BAZ1A: variants seen among roughly 807,000 people sequenced by gnomAD.
BAZ1A encodes bromodomain adjacent to zinc finger domain 1A, also known as bromodomain adjacent to zinc finger domain protein 1A.
BAZ1A carries 50 observed loss-of-function variants against 185.2 expected under a neutral mutation model. The observed-to-expected ratio is 0.27, with a 90% CI of 0.22 to 0.34. The LOEUF (loss-of-function observed/expected upper bound fraction) is 0.34, where lower values mean the gene tolerates loss of function less well. Ranked by LOEUF, BAZ1A falls within the 10% of genes least tolerant of loss-of-function variation. The pLI is 1.00. For synonymous variants in BAZ1A, 571 were observed against 615.6 expected (o/e 0.93, Z 1.07); for missense variants, 1,356 against 1,839.9 (o/e 0.74, Z 4.81).
chr14:34,845,867 A>G (rs2042502949), intron 3 of BAZ1A, among the ~76,000 whole-genome samples: 1 of 150,876 alleles, frequency 6.6e-6, no homozygotes, highest in Non-Finnish European at 1.5e-5. Context: ...CTCAAAAAAA[A>G]AAAAAAAAAA....
At position 34,862,262 on chromosome 14, in the gene BAZ1A, A is replaced by G; in HGVS notation, c.174T>C (p.Gly58=). 3 of 1,614,100 alleles carry G rather than the reference A, an allele frequency of 1.9e-6. No homozygotes were observed. Among genetic ancestry groups the G allele is most frequent in the Non-Finnish European group, 2.5e-6 (3 of 1,180,020 alleles). ...NSLVWSCAVT[G]RPGLTYQEAL... ...CTTCCTGATACGTCAGTCCAGGTCT[A>G]CCCGTCACAGCACAACTCCACACAA... The change falls in exon 3 of 27, where the codon GGT becomes GGC. Residue 58 remains glycine (G), a synonymous_variant. Transcript: ENST00000360310.
At chr14:34,804,762 A>G (rs1412539481) in intron 6 of BAZ1A, among the ~76,000 whole-genome samples, 1 of 152,240 alleles carries the variant, frequency 6.6e-6, no homozygotes, top group Non-Finnish European at 1.5e-5. Context: ...TCACACTCAT[A>G]AAGGCCAAAA....
intron 6 of BAZ1A, among the ~76,000 whole-genome samples, chr14:34,806,801 T>G (rs764478521): frequency 5.9e-5 from 9 of 151,798 alleles, no homozygotes; most frequent in Non-Finnish European, 1.5e-5. Context: ...CAGGCTGGAG[T>G]GCAGTGATAC....
chr14:34,759,386 T>C (rs1283684416), intron 24 of BAZ1A, among the ~76,000 whole-genome samples: 1 of 151,976 alleles, frequency 6.6e-6, no homozygotes, highest in Non-Finnish European at 1.5e-5. Flanking sequence ...GGTTTCACCG[T>C]GTTAGCTAGG....
intron 3 of BAZ1A, among the ~76,000 whole-genome samples, chr14:34,841,245 G>A (rs937034258): frequency 2.6e-5 from 4 of 152,190 alleles, no homozygotes; most frequent in Non-Finnish European, 4.4e-5. Flanking sequence ...TATCTTTGGA[G>A]AGAAAACTAA....
intron 3 of BAZ1A, among the ~76,000 whole-genome samples, chr14:34,841,524 G>A (rs1461982252): frequency 6.6e-6 from 1 of 151,996 alleles, no homozygotes; most frequent in African/African-American, 2.4e-5. Flanking sequence ...CAAGTAGCTG[G>A]GATTACAGGC....
intron 9 of BAZ1A, 21 bp from the exon 10 acceptor site, chr14:34,795,786 A>G (rs780026157): frequency 1.5e-5 from 24 of 1,560,354 alleles, no homozygotes; most frequent in Middle Eastern, 1.7e-4. Context: ...TTAAAAGTTA[A>G]TAACAATTCA....
intron 4 of BAZ1A, among the ~76,000 whole-genome samples, chr14:34,811,997 G>A (rs771057034): frequency 2.0e-4 from 30 of 152,034 alleles, no homozygotes; most frequent in Admixed American, 1.9e-3. Flanking sequence ...CAATAGTTAA[G>A]AGCCCGCAAT....
chr14:34,814,766 C>A (rs1334527599), intron 4 of BAZ1A, among the ~76,000 whole-genome samples: 1 of 145,784 alleles, frequency 6.9e-6, no homozygotes, highest in African/African-American at 2.5e-5. Context: ...TGTGAGCCAC[C>A]GTACCAGACC....
intron 12 of BAZ1A, among the ~76,000 whole-genome samples, chr14:34,789,267 T>C (rs1364807482): frequency 6.6e-6 from 1 of 152,184 alleles, no homozygotes; most frequent in Non-Finnish European, 1.5e-5. Flanking sequence ...CTATACCATC[T>C]ATAGAAAGTT....
chr14:34,853,041 A>T (rs2042620403), intron 3 of BAZ1A, among the ~76,000 whole-genome samples: 1 of 128,906 alleles, frequency 7.8e-6, no homozygotes, highest in Non-Finnish European at 1.8e-5. Flanking sequence ...ATACATGTTG[A>T]ACAATTACAA....
In BAZ1A at chr14:34,824,408, CAAAAAAAAAA is replaced by C; in HGVS notation, c.536+1595_536+1604del. On this transcript the variant is annotated intron_variant, in intron 4 of 26. Coordinates refer to ENST00000360310, the MANE Select transcript of BAZ1A (RefSeq NM_013448.3). The stretch of plus-strand genomic sequence containing the variant: ...AAAAAAAAAAAAAAAAGCAGCAACT[CAAAAAAAAAA>C]AAAAAAAAAGAAGAGATGTATCAAA... Among the ~76,000 whole-genome samples the C allele has an allele frequency of 3.0e-5, 2 of 65,772 alleles. 1 individual carries two copies. The highest frequency in any genetic ancestry group is 1.4e-3 in the South Asian group (2 of 1,462). The allele number at this position is 65,772 out of a possible 152,430, so 43.1% of individuals were successfully genotyped here. A position where few individuals can be genotyped will look rare whatever the true frequency, so the allele number is the denominator to read the frequency against.
chr14:34,824,406 C>CA (rs2042133804), intron 4 of BAZ1A, among the ~76,000 whole-genome samples: 4 of 24,452 alleles, frequency 1.6e-4, no homozygotes, highest in Non-Finnish European at 3.8e-4. Context: ...AAAGCAGCAA[C>CA]TCAAAAAAAA....
chr14:34,795,861 A>G, intron 9 of BAZ1A, 96 bp from the exon 10 acceptor site: 1 of 857,228 alleles, frequency 1.2e-6, no homozygotes, highest in East Asian at 2.6e-5. Context: ...AAATACTTGG[A>G]CCTTACCCCA....
intron 12 of BAZ1A, chr14:34,786,608 T>TTTTTTTTTTTTTTTTTTTTTTTTG: frequency 7.0e-6 from 1 of 142,580 alleles, no homozygotes. Flanking sequence ...TATGTGTGTT[T>TTTTTTTTTTTTTTTTTTTTTTTTG]TTTTTTTTTT....
In BAZ1A at chr14:34,808,095, C is replaced by T. The variant is rs560699365; in HGVS notation, c.639-557G>A. Among the ~76,000 whole-genome samples, 10 of 144,406 alleles carry T rather than the reference C, an allele frequency of 6.9e-5. No homozygotes were observed. The East Asian group carries it at 2.0e-3, about 29-fold the overall frequency. The allele number at this position is 144,406 out of a possible 152,430, so 94.7% of individuals were successfully genotyped here. On this transcript the variant is annotated intron_variant, in intron 5 of 26. Coordinates refer to ENST00000360310, the MANE Select transcript of BAZ1A (RefSeq NM_013448.3). ...TGGGCGACAGAGCAAGACTCTGTCT[C>T]AAAAAAAAAGAAAATAAACTTTAAG...
At chr14:34,853,511 GC>G (rs753659416) in intron 3 of BAZ1A, among the ~76,000 whole-genome samples, 27 of 152,288 alleles carry the variant, frequency 1.8e-4, no homozygotes, top group Non-Finnish European at 3.2e-4. Flanking sequence ...AAGGTCAGGC[GC>G]AGTGATTCAC....
intron 3 of BAZ1A, among the ~76,000 whole-genome samples, chr14:34,849,922 T>C (rs934742550): frequency 1.9e-4 from 29 of 152,340 alleles, no homozygotes; most frequent in Admixed American, 1.6e-3. Flanking sequence ...TAGCAACTTA[T>C]TCTCTTTCAG....
At chr14:34,793,195 C>T (rs1880962850) in intron 11 of BAZ1A, among the ~76,000 whole-genome samples, 1 of 152,058 alleles carries the variant, frequency 6.6e-6, no homozygotes, top group Non-Finnish European at 1.5e-5. Context: ...AAATTTAAGG[C>T]ACAAATTAAG....
Sources: allele counts gnomAD v4.1 joint callset (sites outside exome capture counted in the v4.1 genomes callset), GRCh38; gene constraint gnomAD v4.1.1; transcripts MANE v1.5; gene names NCBI Gene and HGNC (gene_info 2026-07-23, HGNC 2026-07-21).